Variants in CEP295 observed in about 807,000 individuals in gnomAD.
CEP295 encodes centrosomal protein 295, also known as centrosomal protein of 295 kDa.
Under a neutral mutation model 291.6 loss-of-function variants are expected in CEP295, and 190 were observed. The ratio of observed to expected loss-of-function variants is 0.65; its 90% CI spans 0.58 to 0.73. The LOEUF (loss-of-function observed/expected upper bound fraction) is 0.73. Among genes scored for constraint, CEP295 ranks in the 30% least tolerant of loss-of-function variants. The pLI is 0.00. For synonymous variants in CEP295, 993 were observed against 1,038.8 expected (o/e 0.96, Z 0.85); for missense variants, 2,863 against 2,949.4 (o/e 0.97, Z 0.68).
At chr11:93,687,620 T>G (rs1951308905) in intron 9 of CEP295, 24 bp from the exon 10 acceptor site, 1 of 1,338,984 alleles carries the variant, frequency 7.5e-7, no homozygotes, top group Non-Finnish European at 1.0e-6. Context: ...CTAAATAAGT[T>G]TTTTCCCTTT....
chr11:93,679,267 C>T lies in CEP295; in HGVS notation c.625-145C>T, dbSNP rs180954886. ...TTTGATCCCTTTCATAGGTACATGCCGTTGATAATTGTGGACATTTTAAAA... is the reference window on the plus strand; with the variant it reads ...TTTGATCCCTTTCATAGGTACATGCTGTTGATAATTGTGGACATTTTAAAA... On this transcript the variant is annotated intron_variant, in intron 6 of 29. Transcript: ENST00000325212. The T allele has an allele frequency of 1.8e-3, 1,196 of 683,158 alleles. 10 individuals carry two copies. The highest frequency in any genetic ancestry group is 0.015 in the African/African-American group (838 of 55,266). The allele number at this position is 683,158 out of a possible 1,614,324, so 42.3% of individuals were successfully genotyped here.
At chr11:93,670,357 A>G (rs1045368799) in intron 5 of CEP295, among the ~76,000 whole-genome samples, 5 of 150,878 alleles carry the variant, frequency 3.3e-5, no homozygotes, top group African/African-American at 1.2e-4. Flanking sequence ...TTTTTATGGG[A>G]GTAAAATGTG....
rs1341057748 is a variant in CEP295 at position 93,684,051 on chromosome 11, C to A, written c.1037C>A (p.Ser346Ter). 1 of 1,551,636 alleles carries A rather than the reference C, an allele frequency of 6.4e-7. No individual in the cohort carries two copies. Among genetic ancestry groups the A allele is most frequent in the Non-Finnish European group, 8.7e-7 (1 of 1,146,970 alleles). ...ATCCAAGATGAAGAGCTGGACCTTT[C>A]AATGGAACAAGAAAATTTGGGTGCA... ...NQIQDEELDL[S>*]MEQENLGAAE... Residue 346 changes from serine to a stop codon, truncating the protein, a stop_gained, in exon 9 of 30, where the codon TCA (serine) becomes TAA (stop). Transcript: ENST00000325212. LOFTEE classifies it high-confidence loss of function.
In CEP295 at chr11:93,668,892, C is replaced by T; in HGVS notation, c.394C>T (p.Gln132Ter). Residue 132 changes from glutamine (Q) to a stop codon, truncating the protein, a stop_gained, in exon 4 of 30, where the codon CAG becomes TAG. Coordinates refer to ENST00000325212, the MANE Select transcript of CEP295 (RefSeq NM_033395.2). LOFTEE classifies it high-confidence loss of function. ...GAGGCATAAAGAAGCCTTGAAAGTACAGAAAAATCAAAAAGAAATATTACT... is the reference window on the plus strand; with the variant it reads ...GAGGCATAAAGAAGCCTTGAAAGTATAGAAAAATCAAAAAGAAATATTACT... ...DLRHKEALKVQKNQKEILLKQ... is the reference protein window; with the variant it reads ...DLRHKEALKV The T allele has an allele frequency of 7.4e-7, 1 of 1,348,368 alleles. No homozygotes were observed. Among genetic ancestry groups the T allele is most frequent in the Non-Finnish European group, 1.0e-6 (1 of 978,728 alleles). The allele number at this position is 1,348,368 out of a possible 1,614,324, so 83.5% of individuals were successfully genotyped here.
At chr11:93,724,525 G>C (rs1405508776) in intron 22 of CEP295, 150 bp downstream of exon 22, 2 of 795,126 alleles carry the variant, frequency 2.5e-6, no homozygotes, top group Admixed American at 2.9e-5. Context: ...CCAGCACTTT[G>C]AGAGCCCAAG....
intron 24 of CEP295, 68 bp downstream of exon 24, chr11:93,727,705 A>G (rs1954263780): frequency 7.8e-7 from 1 of 1,273,958 alleles, no homozygotes; most frequent in African/African-American, 1.5e-5. Flanking sequence ...TTTTCTTCTA[A>G]AATTAGAGAT....
At chr11:93,710,003 G>A (rs999025341) in intron 18 of CEP295, among the ~76,000 whole-genome samples, 17 of 152,040 alleles carry the variant, frequency 1.1e-4, no homozygotes, top group African/African-American at 3.4e-4. Context: ...TCCTGCAACC[G>A]TACTGAATTT....
At chr11:93,666,351 T>C (rs1044573158) in intron 1 of CEP295, among the ~76,000 whole-genome samples, 2 of 152,308 alleles carry the variant, frequency 1.3e-5, no homozygotes, top group African/African-American at 2.4e-5. Context: ...CCCAGCACTT[T>C]GGAAAGCTGA....
chr11:93,730,237 C>G lies in CEP295; in HGVS notation c.7774C>G (p.Leu2592Val). ...ARAKEFHKKT[L>V]EKLRAKNTC The stretch of plus-strand genomic sequence containing the variant: ...ATTTTTATTCCTTCCACAGAAAACA[C>G]TAGAGAAACTTCGAGCCAAAAATAC... The change falls in exon 30 of 30, where the codon CTA becomes GTA. Residue 2592 changes from leucine to valine, a missense_variant. Leu to Val is a conservative substitution (Grantham distance 32). This residue lies in a region of CEP295 where 2,295 missense variants were observed against 2,335.7 expected (regional missense o/e 0.98). Coordinates refer to ENST00000325212, the MANE Select transcript of CEP295 (RefSeq NM_033395.2). 6.4e-7 allele frequency: 1 copy of G among 1,551,066 alleles called. No homozygotes were observed.
At chr11:93,705,420 T>C (rs1952450807) in intron 17 of CEP295, among the ~76,000 whole-genome samples, 1 of 152,180 alleles carries the variant, frequency 6.6e-6, no homozygotes, top group South Asian at 2.1e-4. Flanking sequence ...GGTTGAGAAA[T>C]ACTGATCTAT....
intron 21 of CEP295, 38 bp from the exon 22 acceptor site, chr11:93,724,216 T>C (rs927222041): frequency 1.3e-5 from 19 of 1,515,566 alleles, no homozygotes; most frequent in Non-Finnish European, 1.7e-5. Flanking sequence ...ATGATTTTTT[T>C]CCCTCAAAAA....
At chr11:93,675,841 A>T (rs1003430041) in intron 6 of CEP295, among the ~76,000 whole-genome samples, 175 bp downstream of exon 6, 7 of 152,118 alleles carry the variant, frequency 4.6e-5, no homozygotes, top group African/African-American at 1.4e-4. Context: ...ATGATGGTTT[A>T]ATATGAATTA....
At chr11:93,687,618 G>GT in intron 9 of CEP295, 26 bp from the exon 10 acceptor site, 1 of 1,325,576 alleles carries the variant, frequency 7.5e-7, no homozygotes, top group Non-Finnish European at 1.0e-6. Context: ...TGCTAAATAA[G>GT]TTTTTTCCCT....
chr11:93,681,577 G>A (rs2134941623), intron 7 of CEP295, among the ~76,000 whole-genome samples: 1 of 151,578 alleles, frequency 6.6e-6, no homozygotes. Flanking sequence ...CACCACGCTT[G>A]GCTAATTTTT....
chr11:93,676,919 G>T (rs1950722654), intron 6 of CEP295, among the ~76,000 whole-genome samples: 1 of 151,726 alleles, frequency 6.6e-6, no homozygotes, highest in Non-Finnish European at 1.5e-5. Flanking sequence ...AAAAAGTTCG[G>T]GACCACAAAC....
Position 93,729,735 on chromosome 11 carries a change from C to A in CEP295, c.7521C>A (p.Val2507=). Reference sequence around the variant, plus strand: ...AAGAAATAAGGAATAAAATTCATGTCTCTGAAAATTCTCAAATCAAAACAG... The same window carrying A: ...AAGAAATAAGGAATAAAATTCATGTATCTGAAAATTCTCAAATCAAAACAG... ...RQKEIRNKIH[V]SENSQIKTVK... is the part of the protein sequence containing the mutation. Residue 2507 remains valine, a synonymous_variant, in exon 27 of 30, where the codon GTC becomes GTA. Coordinates refer to ENST00000325212, the MANE Select transcript of CEP295 (RefSeq NM_033395.2). 2 of 1,549,396 alleles carry A rather than the reference C, an allele frequency of 1.3e-6. No individual in the cohort carries two copies. The highest frequency in any genetic ancestry group is 1.7e-6 in the Non-Finnish European group (2 of 1,145,470).
At chr11:93,718,117 T>G (rs1953408272) in intron 18 of CEP295, among the ~76,000 whole-genome samples, 1 of 152,206 alleles carries the variant, frequency 6.6e-6, no homozygotes, top group Admixed American at 6.5e-5. Context: ...CACTGTGTTG[T>G]CCAGACTGGT....
chr11:93,675,577 G>T lies in CEP295; in HGVS notation c.535G>T (p.Glu179Ter). 6.8e-7 allele frequency: 1 copy of T among 1,471,264 alleles called. No individual in the cohort carries two copies. Among genetic ancestry groups the T allele is most frequent in the Non-Finnish European group, 9.0e-7 (1 of 1,105,200 alleles). The allele number at this position is 1,471,264 out of a possible 1,614,324, so 91.1% of individuals were successfully genotyped here. ...PPPPTLFENI[E>*]VKRISAVKTN... ...TTTATGTTCTCTTTTCCAGAACATC[G>T]AAGTAAAAAGAATTTCTGCAGTCAA... Residue 179 changes from glutamate (E) to a stop codon, truncating the protein, a stop_gained, in exon 6 of 30, where the codon GAA (glutamate) becomes TAA (stop). Coordinates refer to ENST00000325212, the MANE Select transcript of CEP295 (RefSeq NM_033395.2). LOFTEE classifies it high-confidence loss of function.
At chr11:93,703,675 G>T (rs117609524) in intron 17 of CEP295, among the ~76,000 whole-genome samples, 2 of 149,424 alleles carry the variant, frequency 1.3e-5, no homozygotes, top group Non-Finnish European at 3.0e-5. Flanking sequence ...CTTAAATCCT[G>T]GCTTTGTGGT....
Sources: gnomAD v4.1 joint callset for allele counts (sites outside exome capture counted in the v4.1 genomes callset) on GRCh38, gnomAD v4.1.1 for gene constraint, gnomAD v4.1.1 regional missense constraint, MANE v1.5 for transcripts, NCBI Gene and HGNC (gene_info 2026-07-23, HGNC 2026-07-21) for gene names.